SLC22A3: variants seen among roughly 807,000 people sequenced by gnomAD.
SLC22A3 encodes the protein solute carrier family 22 member 3.
A neutral mutation model predicts 59.1 loss-of-function variants in SLC22A3; 51 were observed. That is an observed-to-expected ratio of 0.86 (90% confidence interval 0.69 to 1.09). SLC22A3 has a LOEUF of 1.09. Ranked by LOEUF, SLC22A3 falls within the 50% of genes least tolerant of loss-of-function variation. The pLI, the probability that SLC22A3 is intolerant of heterozygous loss-of-function variation, is 0.00. For synonymous variants in SLC22A3, 325 were observed against 292.0 expected, an observed-to-expected ratio of 1.11 and a Z score of -1.15; for missense variants, 711 against 726.3, an observed-to-expected ratio of 0.98 and a Z score of 0.24.
At chr6:160,387,639 A>G (rs1352061236) in intron 1 of SLC22A3, among the ~76,000 whole-genome samples, 3 of 152,122 alleles carry the variant, frequency 2.0e-5, no homozygotes, top group Non-Finnish European at 4.4e-5. Context: ...AGTAGTGTTT[A>G]TAGGCGTCAC....
At chr6:160,434,728 G>A (rs138130870) in intron 5 of SLC22A3, among the ~76,000 whole-genome samples, 2 of 152,142 alleles carry the variant, frequency 1.3e-5, no homozygotes, top group Non-Finnish European at 2.9e-5. Flanking sequence ...CAAAGGTTAA[G>A]GTAGACACAG....
intron 1 of SLC22A3, among the ~76,000 whole-genome samples, chr6:160,384,411 T>A (rs1312890181): frequency 2.0e-5 from 3 of 152,194 alleles, no homozygotes; most frequent in Admixed American, 2.0e-4. Context: ...AATGTGGATA[T>A]CAGTCCAAAT....
At chr6:160,389,236 G>A (rs1405964588) in intron 1 of SLC22A3, among the ~76,000 whole-genome samples, 2 of 152,116 alleles carry the variant, frequency 1.3e-5, no homozygotes, top group African/African-American at 4.8e-5. Flanking sequence ...CCTTAATCAT[G>A]AGCCATTTTT....
intron 5 of SLC22A3, among the ~76,000 whole-genome samples, chr6:160,412,609 A>G (rs879602524): frequency 1.3e-5 from 2 of 152,226 alleles, no homozygotes; most frequent in African/African-American, 2.4e-5. Context: ...TTAAACCACT[A>G]TGATTAGTCC....
At chr6:160,421,479 C>G (rs955028721) in intron 5 of SLC22A3, among the ~76,000 whole-genome samples, 1 of 152,210 alleles carries the variant, frequency 6.6e-6, no homozygotes, top group African/African-American at 2.4e-5. Flanking sequence ...TTTTCCTTCT[C>G]AAAGGCTGAG....
chr6:160,349,551 C>G (rs1176364319), intron 1 of SLC22A3, among the ~76,000 whole-genome samples: 1 of 152,144 alleles, frequency 6.6e-6, no homozygotes, highest in Admixed American at 6.5e-5. Context: ...AATCCCCAAC[C>G]CATTTACAGG....
At chr6:160,373,742 G>C (rs184573695) in intron 1 of SLC22A3, among the ~76,000 whole-genome samples, 9 of 152,318 alleles carry the variant, frequency 5.9e-5, no homozygotes, top group Admixed American at 4.6e-4. Context: ...TCTGGCTACA[G>C]TGGCTTTACC....
intron 1 of SLC22A3, among the ~76,000 whole-genome samples, chr6:160,369,544 T>C (rs1394100887): frequency 6.6e-6 from 1 of 152,218 alleles, no homozygotes; most frequent in Non-Finnish European, 1.5e-5. Flanking sequence ...TCTTTTAGAA[T>C]TATTTTTTAG....
chr6:160,374,611 C>T (rs976083320), intron 1 of SLC22A3, among the ~76,000 whole-genome samples: 1 of 152,186 alleles, frequency 6.6e-6, no homozygotes, highest in African/African-American at 2.4e-5. Flanking sequence ...AGACAGACAT[C>T]ATCCCTGCTG....
chr6:160,375,931 T>G (rs1319920096), intron 1 of SLC22A3, among the ~76,000 whole-genome samples: 1 of 152,158 alleles, frequency 6.6e-6, no homozygotes, highest in Non-Finnish European at 1.5e-5. Flanking sequence ...ACCCTCTAAG[T>G]CTTGGGTTTC....
chr6:160,353,092 C>T (rs1014201323), intron 1 of SLC22A3, among the ~76,000 whole-genome samples: 8 of 152,172 alleles, frequency 5.3e-5, no homozygotes, highest in Non-Finnish European at 8.8e-5. Flanking sequence ...CAGGCATGAG[C>T]CACTGCACCC....
intron 1 of SLC22A3, among the ~76,000 whole-genome samples, chr6:160,354,388 C>G (rs192138705): frequency 6.6e-6 from 1 of 152,330 alleles, no homozygotes; most frequent in East Asian, 1.9e-4. Context: ...GTGCTCAGAA[C>G]AGTTGGTTCC....
intron 1 of SLC22A3, among the ~76,000 whole-genome samples, chr6:160,362,493 G>A (rs1018366184): frequency 1.3e-5 from 2 of 152,188 alleles, no homozygotes; most frequent in African/African-American, 4.8e-5. Flanking sequence ...ACCCTTTCCC[G>A]TTGTTGTCTT....
intron 1 of SLC22A3, among the ~76,000 whole-genome samples, chr6:160,388,026 C>T (rs916404785): frequency 3.3e-5 from 5 of 152,146 alleles, no homozygotes; most frequent in African/African-American, 1.2e-4. Context: ...GAGGCAGATT[C>T]CTCCCCAGAG....
chr6:160,398,448 T>C (rs1786616171), intron 2 of SLC22A3, among the ~76,000 whole-genome samples: 1 of 152,266 alleles, frequency 6.6e-6, no homozygotes, highest in Admixed American at 6.5e-5. Context: ...ATTGTGGTTT[T>C]ATTAATTTAG....
At chr6:160,401,008 C>CCA (rs1320575936) in intron 2 of SLC22A3, among the ~76,000 whole-genome samples, 2 of 122,934 alleles carry the variant, frequency 1.6e-5, no homozygotes, top group Non-Finnish European at 3.4e-5. Flanking sequence ...AAAAAAAAAC[C>CCA]CACACACACA....
In SLC22A3 at chr6:160,447,817, A is replaced by T; in HGVS notation, c.1609A>T (p.Ser537Cys). Reference sequence around the variant, plus strand: ...AGTGGATGATGTAGAAAAACTTGGCAGGTACTGTACAAAATTCAATGCACC... The same window carrying T: ...AGTGGATGATGTAGAAAAACTTGGCTGGTACTGTACAAAATTCAATGCACC... ...ETVDDVEKLG[S>C]PHSCKCGRNK... The change falls in exon 10 of 11, where the codon AGT (serine) becomes TGT (cysteine). Residue 537 changes from serine to cysteine, a missense_variant and splice_region_variant. Transcript: ENST00000275300. The T allele has an allele frequency of 6.2e-7, 1 of 1,612,748 alleles. No homozygotes were observed. Among genetic ancestry groups the T allele is most frequent in the Non-Finnish European group, 8.5e-7 (1 of 1,178,744 alleles).
intron 1 of SLC22A3, among the ~76,000 whole-genome samples, chr6:160,384,083 C>T (rs1418843000): frequency 6.6e-6 from 1 of 152,162 alleles, no homozygotes; most frequent in African/African-American, 2.4e-5. Context: ...GCGCACACCA[C>T]CAGGACCAGC....
chr6:160,434,850 A>G (rs1788279167), intron 5 of SLC22A3, among the ~76,000 whole-genome samples: 1 of 152,154 alleles, frequency 6.6e-6, no homozygotes, highest in African/African-American at 2.4e-5. Flanking sequence ...AAGGCCCCAA[A>G]AATACAGTGA....
Sources: allele counts gnomAD v4.1 joint callset (sites outside exome capture counted in the v4.1 genomes callset), GRCh38; gene constraint gnomAD v4.1.1; transcripts MANE v1.5; gene names NCBI Gene and HGNC (gene_info 2026-07-23, HGNC 2026-07-21).